Variants in CNTN5 observed in about 807,000 individuals in gnomAD.
CNTN5 encodes contactin 5.
Under a neutral mutation model 129.1 loss-of-function variants are expected in CNTN5, and 77 were observed. The observed-to-expected ratio is 0.60, with a 90% CI of 0.50 to 0.72. The LOEUF (loss-of-function observed/expected upper bound fraction) is 0.72. CNTN5 is among the 30% of genes least tolerant of loss of function. The probability of loss-of-function intolerance (pLI) is 0.00; values close to 1 mark genes in which losing one functional copy is unlikely to be tolerated. For missense variants in CNTN5, 1,478 were observed against 1,328.8 expected (o/e 1.11, Z -1.75); for synonymous variants, 509 against 465.6 (o/e 1.09, Z -1.20).
Position 99,898,096 on chromosome 11 carries a change from A to G in CNTN5, c.578-17958A>G, listed in dbSNP as rs190854372. Among the ~76,000 whole-genome samples, 297 of 152,224 alleles carry G rather than the reference A, an allele frequency of 2.0e-3. 2 individuals carry two copies. Among genetic ancestry groups the G allele is most frequent in the African/African-American group, 6.6e-3 (273 of 41,570 alleles). On this transcript the variant is annotated intron_variant, in intron 6 of 24. Transcript: ENST00000524871. ...AGGCATTGCTAAGAGGAAATTTTAT[A>G]GCATTAAATGCCTACATAAAAAATA...
At chr11:99,829,192 CAT>C (rs1345569041) in intron 4 of CNTN5, among the ~76,000 whole-genome samples, 1 of 152,108 alleles carries the variant, frequency 6.6e-6, no homozygotes, top group Admixed American at 6.6e-5. Context: ...GATGAAAATA[CAT>C]ATTCTAATCT....
chr11:99,588,111 A>G (rs564489946), intron 3 of CNTN5, among the ~76,000 whole-genome samples: 5 of 152,272 alleles, frequency 3.3e-5, no homozygotes, highest in Admixed American at 1.3e-4. Context: ...TGGGAGGCCG[A>G]GGCGGGCGGA....
chr11:99,111,859 A>G, intron 1 of CNTN5, among the ~76,000 whole-genome samples: 1 of 152,178 alleles, frequency 6.6e-6, no homozygotes, highest in South Asian at 2.1e-4. Context: ...TGTTGCTGAC[A>G]GCACTTGAAT....
chr11:99,836,949 G>A (rs1947326832), intron 4 of CNTN5, among the ~76,000 whole-genome samples: 1 of 152,190 alleles, frequency 6.6e-6, no homozygotes, highest in Admixed American at 6.6e-5. Context: ...GCTGGTGGGA[G>A]TGTAGCAGTG....
chr11:99,241,445 T>C (rs1047181379), intron 1 of CNTN5, among the ~76,000 whole-genome samples: 2 of 151,894 alleles, frequency 1.3e-5, no homozygotes, highest in African/African-American at 4.8e-5. Flanking sequence ...TATTCTTTCT[T>C]AGGTGGAAGT....
At chr11:99,693,169 A>C (rs1954111870) in intron 3 of CNTN5, among the ~76,000 whole-genome samples, 1 of 152,174 alleles carries the variant, frequency 6.6e-6, no homozygotes, top group Non-Finnish European at 1.5e-5. Flanking sequence ...TCAAAGAAAA[A>C]CATTAAAAAC....
chr11:99,515,023 A>T (rs1354543632), intron 2 of CNTN5, among the ~76,000 whole-genome samples: 1 of 152,064 alleles, frequency 6.6e-6, no homozygotes, highest in Non-Finnish European at 1.5e-5. Flanking sequence ...TCTAAATGAA[A>T]TATATAGCTT....
chr11:100,067,856 G>C (rs1943756119), intron 10 of CNTN5, among the ~76,000 whole-genome samples: 1 of 151,674 alleles, frequency 6.6e-6, no homozygotes, highest in African/African-American at 2.4e-5. Context: ...AAGAAAGGAA[G>C]GAAAAAATTA....
At chr11:99,508,804 C>G (rs1946725504) in intron 2 of CNTN5, among the ~76,000 whole-genome samples, 1 of 151,972 alleles carries the variant, frequency 6.6e-6, no homozygotes, top group African/African-American at 2.4e-5. Context: ...GCCTCAGCCT[C>G]CCAAGTAGCT....
At chr11:99,890,934 GA>G (rs1008184103) in intron 6 of CNTN5, among the ~76,000 whole-genome samples, 4 of 151,616 alleles carry the variant, frequency 2.6e-5, no homozygotes, top group South Asian at 2.1e-4. Flanking sequence ...GATAATGGGG[GA>G]AAAAAATCAG....
At chr11:99,810,863 A>C (rs1946407758) in intron 3 of CNTN5, among the ~76,000 whole-genome samples, 1 of 152,040 alleles carries the variant, frequency 6.6e-6, no homozygotes, top group Non-Finnish European at 1.5e-5. Context: ...GCAGGCTTGG[A>C]TATTGTATGT....
intron 13 of CNTN5, among the ~76,000 whole-genome samples, chr11:100,110,070 C>G (rs936632655): frequency 5.9e-5 from 9 of 151,490 alleles, no homozygotes; most frequent in African/African-American, 2.2e-4. Context: ...TCCCATAGTC[C>G]CAGCTACTCA....
chr11:99,756,099 TTTCAGG>T (rs1160389862), intron 3 of CNTN5, among the ~76,000 whole-genome samples: 1 of 152,128 alleles, frequency 6.6e-6, no homozygotes, highest in Admixed American at 6.6e-5. Context: ...ATCATTATTT[TTTCAGG>T]TTGTCTATTA....
intron 23 of CNTN5, among the ~76,000 whole-genome samples, chr11:100,346,709 G>A (rs1952290105): frequency 6.6e-6 from 1 of 152,058 alleles, no homozygotes; most frequent in Non-Finnish European, 1.5e-5. Context: ...TGTTAACAGA[G>A]CTAGGGCAAA....
intron 20 of CNTN5, among the ~76,000 whole-genome samples, chr11:100,302,757 C>A (rs1346032400): frequency 1.3e-5 from 2 of 151,184 alleles, no homozygotes; most frequent in East Asian, 3.9e-4. Flanking sequence ...AGATGACATT[C>A]ATACCCAGAA....
intron 7 of CNTN5, among the ~76,000 whole-genome samples, chr11:99,921,664 A>C (rs1949942589): frequency 6.6e-6 from 1 of 152,200 alleles, no homozygotes; most frequent in African/African-American, 2.4e-5. Flanking sequence ...GTTACAATGC[A>C]AATTCTACTA....
chr11:99,961,674 G>A (rs1202791144), intron 8 of CNTN5, among the ~76,000 whole-genome samples: 4 of 152,104 alleles, frequency 2.6e-5, no homozygotes, highest in Admixed American at 6.5e-5. Context: ...CTTCTCTATC[G>A]CTATATGCAA....
chr11:99,512,284 G>T (rs897702377), intron 2 of CNTN5, among the ~76,000 whole-genome samples: 3 of 152,160 alleles, frequency 2.0e-5, no homozygotes, highest in Non-Finnish European at 4.4e-5. Context: ...CCTATAGTGT[G>T]CAGCACGGTA....
At position 100,061,203 on chromosome 11, in the gene CNTN5, C is replaced by G; in HGVS notation, c.981-9C>G. On this transcript the variant is annotated splice_polypyrimidine_tract_variant and intron_variant, in intron 9 of 24. Coordinates refer to ENST00000524871, the MANE Select transcript of CNTN5 (RefSeq NM_014361.4). ...AGTGTATTAACAGTATTTTTGTTCCCTATCGTAGCCCCGTTCCAACAATCA... is the reference window on the plus strand; with the variant it reads ...AGTGTATTAACAGTATTTTTGTTCCGTATCGTAGCCCCGTTCCAACAATCA... 1 of 1,597,348 alleles carries G rather than the reference C, an allele frequency of 6.3e-7. No individual in the cohort carries two copies.
Sources: allele counts gnomAD v4.1 joint callset (sites outside exome capture counted in the v4.1 genomes callset), GRCh38; gene constraint gnomAD v4.1.1; transcripts MANE v1.5; gene names NCBI Gene and HGNC (gene_info 2026-07-23, HGNC 2026-07-21).